The following ASAH1 variants were observed in gnomAD, a reference collection of about 807,000 sequenced individuals.
ASAH1 encodes the protein N-acylsphingosine amidohydrolase 1, also known as acid ceramidase.
In ASAH1, 70 loss-of-function variants were observed where a neutral mutation model predicts 59.5. The ratio of observed to expected loss-of-function variants is 1.18; its 90% CI spans 0.97 to 1.43. The LOEUF (loss-of-function observed/expected upper bound fraction) is 1.43, where lower values mean the gene tolerates loss of function less well. Among genes scored for constraint, ASAH1 ranks in the 40% most tolerant of loss-of-function variants. ASAH1 has a pLI of 0.00. For missense variants in ASAH1, 660 were observed against 482.5 expected (o/e 1.37, Z -3.45); for synonymous variants, 213 against 166.5 (o/e 1.28, Z -2.15).
chr8:18,075,444 G>T (rs1238863363), intron 2 of ASAH1, 97 bp downstream of exon 2: 3 of 1,275,292 alleles, frequency 2.4e-6, no homozygotes, highest in Non-Finnish European at 3.4e-6. Context: ...CATGACTTAA[G>T]ATTTTATTCA....
chr8:18,082,206 G>GA (rs1340291627), intron 1 of ASAH1, among the ~76,000 whole-genome samples: 1 of 152,136 alleles, frequency 6.6e-6, no homozygotes, highest in Non-Finnish European at 1.5e-5. Flanking sequence ...TTCTAGATAA[G>GA]AACTATTATA....
chr8:18,067,094 G>GACATACAGC lies in ASAH1; in HGVS notation c.382+125_382+126insGCTGTATGT, dbSNP rs1468244572. 51 of 119,504 alleles carry GACATACAGC rather than the reference G, an allele frequency of 4.3e-4. 1 individual carries two copies. The highest frequency in any genetic ancestry group is 9.5e-4 in the Non-Finnish European group (33 of 34,718). The allele number at this position is 119,504 out of a possible 1,614,324, so 7.4% of individuals were successfully genotyped here. On this transcript the variant is annotated intron_variant, in intron 5 of 13. Transcript: ENST00000637790. Reference sequence around the variant, plus strand: ...AAGCTTCACTGAGCTGTATATCTAAGACCTGTGCACCTGTGCTGTATATCT... The same window carrying GACATACAGC: ...AAGCTTCACTGAGCTGTATATCTAAGACATACAGCACCTGTGCACCTGTGCTGTATATCT...
chr8:18,074,034 G>T (rs1321769387), intron 2 of ASAH1, among the ~76,000 whole-genome samples: 2 of 152,174 alleles, frequency 1.3e-5, no homozygotes. Context: ...ATAAGAGTCA[G>T]TAAAATGCCT....
intron 5 of ASAH1, 117 bp downstream of exon 5, chr8:18,067,103 A>ACCTGTGCTGTATATCTAAGACATACAGCG: frequency 1.7e-6 from 2 of 1,158,368 alleles, no homozygotes; most frequent in Non-Finnish European, 2.5e-6. Context: ...AGACCTGTGC[A>ACCTGTGCTGTATATCTAAGACATACAGCG]CCTGTGCTGT....
chr8:18,069,938 T>C (rs1024260385), intron 3 of ASAH1, 60 bp from the exon 4 acceptor site: 91 of 1,259,192 alleles, frequency 7.2e-5, no homozygotes, highest in Non-Finnish European at 1.0e-4. Context: ...AGATTACCTT[T>C]TGGCTTACCC....
chr8:18,056,985 TG>T lies in ASAH1; in HGVS notation c.*548del, dbSNP rs1234462291. On this transcript the variant is annotated 3_prime_UTR_variant, in exon 14 of 14. Coordinates refer to ENST00000637790, the MANE Select transcript of ASAH1 (RefSeq NM_177924.5). ...CCATTAAAAGAAATATACAGGTGAA[TG>T]TCTGTCTCATCCCTCTAATCATATG... The T allele has an allele frequency of 1.3e-5, 2 of 155,786 alleles. No individual in the cohort carries two copies. 9.7% of individuals were successfully genotyped at this position (155,786 alleles called of 1,614,324 possible).
At chr8:18,067,067 T>C in intron 5 of ASAH1, 153 bp downstream of exon 5, 1 of 209,814 alleles carries the variant, frequency 4.8e-6, no homozygotes, top group Non-Finnish European at 1.1e-5. Context: ...CATGCATTTC[T>C]GAAGCTTCAC....
Position 18,062,306 on chromosome 8 carries a change from A to C in ASAH1, c.621T>G (p.Tyr207Ter). ...GTTTGAATCCTGTTAACATGCCCACATAGCCAGCAAAGCTTGAAGCCTTGA... is the reference window on the plus strand; with the variant it reads ...GTTTGAATCCTGTTAACATGCCCACCTAGCCAGCAAAGCTTGAAGCCTTGA... ...TVFKASSFAG[Y>*]VGMLTGFKPG... The change falls in exon 8 of 14, where the codon TAT (tyrosine) becomes TAG (stop). Residue 207 changes from tyrosine to a stop codon, truncating the protein, a stop_gained. Coordinates refer to ENST00000637790, the MANE Select transcript of ASAH1 (RefSeq NM_177924.5). LOFTEE classifies it high-confidence loss of function. 6.2e-7 allele frequency: 1 copy of C among 1,614,236 alleles called. No individual in the cohort carries two copies. Among genetic ancestry groups the C allele is most frequent in the South Asian group, 1.1e-5 (1 of 91,088 alleles).
upstream of ASAH1, chr8:18,084,136 C>A (rs1218808436): frequency 6.3e-7 from 1 of 1,576,424 alleles, no homozygotes; most frequent in African/African-American, 1.3e-5. Context: ...CAGGCCACGC[C>A]CCCTCCGCCG....
upstream of ASAH1, chr8:18,084,822 T>C (rs1800830207): frequency 2.5e-6 from 4 of 1,612,136 alleles, no homozygotes; most frequent in South Asian, 1.1e-5. Flanking sequence ...TGTTTCCTCC[T>C]AACTGGCGAA....
At chr8:18,071,895 C>T (rs966118) in intron 2 of ASAH1, among the ~76,000 whole-genome samples, 65,268 of 151,966 alleles carry the variant, frequency 0.43, 14,927 homozygotes, top group Admixed American at 0.53. Flanking sequence ...CCACGATCAG[C>T]TTCAAGAACC....
intron 3 of ASAH1, among the ~76,000 whole-genome samples, chr8:18,070,094 C>T (rs1470017457): frequency 6.6e-6 from 1 of 152,188 alleles, no homozygotes; most frequent in African/African-American, 2.4e-5. Context: ...GATTCTCCTG[C>T]CTCAGCCTCC....
At position 18,084,035 on chromosome 8, in the gene ASAH1, G is replaced by A. The variant is rs1387237712; in HGVS notation, c.24C>T (p.Ala8=). The part of the protein sequence containing the change: MPGRSCV[A]LVLLAAAVSC... ...TGACGGCGGCAGCCAGGAGGACTAA[G>A]GCGACGCAACTCCGGCCCGGCATCG... The change falls in exon 1 of 14, where the codon GCC becomes GCT. Residue 8 remains alanine (A), a synonymous_variant. Transcript: ENST00000637790. 3 of 1,598,816 alleles carry A rather than the reference G, an allele frequency of 1.9e-6. No homozygotes were observed. Among genetic ancestry groups the A allele is most frequent in the Non-Finnish European group, 2.5e-6 (3 of 1,179,676 alleles).
At chr8:18,083,862 C>T (rs1490577668) in intron 1 of ASAH1, 119 bp downstream of exon 1, 9 of 1,519,442 alleles carry the variant, frequency 5.9e-6, no homozygotes, top group Non-Finnish European at 7.9e-6. Flanking sequence ...CACAGACCCC[C>T]GTAAAGAAGC....
At chr8:18,061,866 C>A (rs889383631) in intron 8 of ASAH1, 126 bp from the exon 9 acceptor site, 48 of 908,204 alleles carry the variant, frequency 5.3e-5, no homozygotes, top group Non-Finnish European at 7.4e-5. Flanking sequence ...AAAAATAAAT[C>A]AAAACCATAA....
intron 3 of ASAH1, 74 bp from the exon 4 acceptor site, chr8:18,069,952 T>C (rs1191057291): frequency 4.7e-6 from 5 of 1,057,642 alleles, no homozygotes; most frequent in Non-Finnish European, 7.1e-6. Context: ...CTTACCCATA[T>C]GTAGCTAAAA....
rs2117031767 is a variant in ASAH1 at position 18,062,991 on chromosome 8, T to TC, written c.503+193dup. The TC allele has an allele frequency of 2.0e-5, 11 of 548,972 alleles. No homozygotes were observed. The South Asian group carries it at 2.1e-4, about 10-fold the overall frequency. 34.0% of individuals were successfully genotyped at this position (548,972 alleles called of 1,614,324 possible). A position where few individuals can be genotyped will look rare whatever the true frequency, so the allele number is the denominator to read the frequency against. On this transcript the variant is annotated intron_variant, in intron 7 of 13. Coordinates refer to ENST00000637790, the MANE Select transcript of ASAH1 (RefSeq NM_177924.5). ...GTTCAAAAAAGTCTCTGCCTCAGGCTCCCAAGTAGCCGGGATTACAGATGC... is the reference window on the plus strand; with the variant it reads ...GTTCAAAAAAGTCTCTGCCTCAGGCTCCCCAAGTAGCCGGGATTACAGATGC...
At chr8:18,066,246 A>T (rs1044820722) in intron 5 of ASAH1, 1 of 152,054 alleles carries the variant, frequency 6.6e-6, no homozygotes, top group South Asian at 2.1e-4. Flanking sequence ...ATTTCTGTTC[A>T]TCAAAAGACA....
chr8:18,084,139 C>T (rs1008166913), upstream of ASAH1: 219 of 1,574,406 alleles, frequency 1.4e-4, no homozygotes, highest in Admixed American at 6.0e-4. Context: ...GCCACGCCCC[C>T]TCCGCCGCGT....
Sources: allele counts gnomAD v4.1 joint callset (sites outside exome capture counted in the v4.1 genomes callset), GRCh38; gene constraint gnomAD v4.1.1; transcripts MANE v1.5; gene names NCBI Gene and HGNC (gene_info 2026-07-23, HGNC 2026-07-21).